PLCL2: variants seen among roughly 807,000 people sequenced by gnomAD.
The protein encoded by PLCL2 is phospholipase C like 2, also known as inactive phospholipase C-like protein 2.
In PLCL2, 4 loss-of-function variants were observed where a neutral mutation model predicts 79.6. The ratio of observed to expected loss-of-function variants is 0.05; its 90% confidence interval spans 0.02 to 0.11. The LOEUF (loss-of-function observed/expected upper bound fraction) is 0.11. PLCL2 is among the 10% of genes least tolerant of loss of function. PLCL2 has a pLI of 1.00. For missense variants in PLCL2, 895 were observed against 1,291.0 expected (o/e 0.69, Z 4.70); for synonymous variants, 484 against 457.7 (o/e 1.06, Z -0.73).
rs762041942 is a variant in PLCL2, at chr3:17,010,853, A to G, written c.1507A>G (p.Ile503Val). ...AGTTTTCCGCAGTGTCATTGATATT[A>G]TTAACAAGTATGCATTCTTTGCTTC... ...QIVFRSVIDIINKYAFFASEY... is the reference protein window; with the variant it reads ...QIVFRSVIDIVNKYAFFASEY... The change falls in exon 2 of 6, where the codon ATT becomes GTT. Residue 503 changes from isoleucine (I) to valine (V), a missense_variant. By Grantham distance (29) the Ile-to-Val change is conservative. Coordinates refer to ENST00000615277, the MANE Select transcript of PLCL2 (RefSeq NM_001144382.2). This position sits in a 1 kb window ranked among gnomAD's most constrained non-coding sequence, Gnocchi z 5.8. 4.9e-5 allele frequency: 79 copies of G among 1,614,002 alleles called. No homozygotes were observed. The highest frequency in any genetic ancestry group is 4.0e-4 in the Admixed American group (24 of 60,002).
chr3:16,960,069 C>T (rs2063741190), intron 1 of PLCL2, among the ~76,000 whole-genome samples: 1 of 152,116 alleles, frequency 6.6e-6, no homozygotes, highest in African/African-American at 2.4e-5. Context: ...TGCGCCACTG[C>T]ACTCCAGCGT....
intron 1 of PLCL2, among the ~76,000 whole-genome samples, chr3:16,970,055 TA>T (rs200474851): frequency 1.2e-4 from 16 of 135,686 alleles, no homozygotes; most frequent in Non-Finnish European, 1.5e-4. Flanking sequence ...TATATATATA[TA>T]TATTTTATTT....
intron 1 of PLCL2, among the ~76,000 whole-genome samples, chr3:16,971,134 G>C (rs1175020278): frequency 9.3e-5 from 14 of 151,140 alleles, no homozygotes; most frequent in Admixed American, 2.0e-4. Flanking sequence ...TGAAGTCCTT[G>C]CCCATGCCTA....
intron 1 of PLCL2, among the ~76,000 whole-genome samples, chr3:16,935,064 C>T (rs779213543): frequency 6.6e-6 from 1 of 152,148 alleles, no homozygotes; most frequent in Non-Finnish European, 1.5e-5. Context: ...CTAGCTTCAG[C>T]CTCACTGAGT....
intron 1 of PLCL2, among the ~76,000 whole-genome samples, chr3:16,974,932 C>T (rs1158720991): frequency 1.3e-5 from 2 of 152,282 alleles, no homozygotes; most frequent in Non-Finnish European, 2.9e-5. Context: ...GGCCCAGACA[C>T]TTGGAATTCC....
rs1439252590 is a variant in PLCL2 at position 16,887,953 on chromosome 3, A to G, written c.327+2587A>G. 6.6e-6 allele frequency among the ~76,000 whole-genome samples: 1 copy of G among 152,062 alleles called. No homozygotes were observed. The highest frequency in any genetic ancestry group is 1.9e-4 in the East Asian group (1 of 5,196). ...GAGTAGATTAGTAAGCAAGGTGATAATTGGGGACTTGAGGGAATAGCAGGG... is the reference window on the plus strand; with the variant it reads ...GAGTAGATTAGTAAGCAAGGTGATAGTTGGGGACTTGAGGGAATAGCAGGG... On this transcript the variant is annotated intron_variant, in intron 1 of 5. Coordinates refer to ENST00000615277, the MANE Select transcript of PLCL2 (RefSeq NM_001144382.2). This position sits in a 1 kb window ranked among gnomAD's most constrained non-coding sequence, Gnocchi z 4.1.
At chr3:16,926,712 G>A (rs568524635) in intron 1 of PLCL2, among the ~76,000 whole-genome samples, 2 of 151,742 alleles carry the variant, frequency 1.3e-5, no homozygotes, top group East Asian at 3.9e-4. Context: ...GCTCACTGCA[G>A]GCTCTGCCTC....
At chr3:16,980,315 C>T (rs1469874052) in intron 1 of PLCL2, among the ~76,000 whole-genome samples, 4 of 149,968 alleles carry the variant, frequency 2.7e-5, no homozygotes, top group East Asian at 2.0e-4. Flanking sequence ...GCTGGCCGGG[C>T]GGAGACGCTC....
intron 5 of PLCL2, among the ~76,000 whole-genome samples, chr3:17,075,113 A>G (rs1003440934): frequency 6.6e-6 from 1 of 152,140 alleles, no homozygotes; most frequent in Non-Finnish European, 1.5e-5. Flanking sequence ...TTCCTCAGTA[A>G]GCTTCATTAT....
chr3:16,915,307 A>G (rs1696967963), intron 1 of PLCL2, among the ~76,000 whole-genome samples: 1 of 152,114 alleles, frequency 6.6e-6, no homozygotes, highest in Non-Finnish European at 1.5e-5. Flanking sequence ...CTATTTATTT[A>G]TTTACCTTGC....
chr3:17,082,536 A>C (rs796165784), intron 5 of PLCL2, among the ~76,000 whole-genome samples: 6 of 152,290 alleles, frequency 3.9e-5, no homozygotes, highest in African/African-American at 1.4e-4. Context: ...AAAGTTCAGC[A>C]GCTCCTCAAG....
chr3:16,912,497 A>G (rs534266076), intron 1 of PLCL2, among the ~76,000 whole-genome samples: 2 of 152,346 alleles, frequency 1.3e-5, no homozygotes, highest in South Asian at 4.1e-4. Flanking sequence ...TACTTCAAGC[A>G]CTTTCAAAGA....
chr3:17,052,674 C>CT (rs149369045), intron 4 of PLCL2, among the ~76,000 whole-genome samples: 2 of 152,292 alleles, frequency 1.3e-5, no homozygotes, highest in African/African-American at 2.4e-5. Flanking sequence ...TCTTCTGCCT[C>CT]TGCCACCTCT....
At chr3:16,995,415 C>T (rs9815788) in intron 1 of PLCL2, among the ~76,000 whole-genome samples, 26,318 of 152,190 alleles carry the variant, frequency 0.17, 2,625 homozygotes, top group Non-Finnish European at 0.21. Context: ...AGCCCAGGAA[C>T]GTGCACTCTC....
chr3:16,984,462 TTTG>T (rs2064028878), intron 1 of PLCL2, among the ~76,000 whole-genome samples: 1 of 152,104 alleles, frequency 6.6e-6, no homozygotes, highest in African/African-American at 2.4e-5. Context: ...ATTGTTAGAG[TTTG>T]TTGTTTTTAT....
intron 1 of PLCL2, among the ~76,000 whole-genome samples, chr3:16,912,425 G>A (rs1225631198): frequency 6.6e-6 from 1 of 152,134 alleles, no homozygotes; most frequent in Non-Finnish European, 1.5e-5. Context: ...CAAAATTGAA[G>A]GTCCATGTGG....
intron 5 of PLCL2, among the ~76,000 whole-genome samples, chr3:17,076,003 T>A (rs893325993): frequency 6.6e-6 from 1 of 152,248 alleles, no homozygotes; most frequent in Non-Finnish European, 1.5e-5. Flanking sequence ...AGTCTTTGTA[T>A]GGACATGCTT....
chr3:16,912,343 A>C (rs969385022), intron 1 of PLCL2, among the ~76,000 whole-genome samples: 1 of 152,196 alleles, frequency 6.6e-6, no homozygotes, highest in African/African-American at 2.4e-5. Flanking sequence ...AAGTAGGTAG[A>C]ATGGTGAATT....
chr3:17,076,422 C>T (rs1191067590), intron 5 of PLCL2, among the ~76,000 whole-genome samples: 1 of 151,860 alleles, frequency 6.6e-6, no homozygotes, highest in African/African-American at 2.4e-5. Context: ...TCTGTAACTC[C>T]AATTATATGT....
Sources: gnomAD v4.1 joint callset for allele counts (sites outside exome capture counted in the v4.1 genomes callset) on GRCh38, gnomAD v4.1.1 for gene constraint, Gnocchi (gnomAD v3.1) non-coding constraint, MANE v1.5 for transcripts, NCBI Gene and HGNC (gene_info 2026-07-23, HGNC 2026-07-21) for gene names.